The following TBL1XR1 variants were observed in gnomAD, a reference collection of about 807,000 sequenced individuals.
TBL1XR1 encodes F-box-like/WD repeat-containing protein TBL1XR1.
TBL1XR1 carries 5 observed loss-of-function variants against 66.9 expected under a neutral mutation model. The ratio of observed to expected loss-of-function variants is 0.07; its 90% CI spans 0.04 to 0.16. TBL1XR1 has a LOEUF of 0.16. Ranked by LOEUF, TBL1XR1 falls within the 10% of genes least tolerant of loss-of-function variation. The pLI, the probability that TBL1XR1 is intolerant of heterozygous loss-of-function variation, is 1.00. For synonymous variants in TBL1XR1, 210 were observed against 206.0 expected (o/e 1.02, Z -0.17); for missense variants, 238 against 623.2 (o/e 0.38, Z 6.58).
intron 2 of TBL1XR1, among the ~76,000 whole-genome samples, chr3:177,082,378 CCA>C (rs1721505315): frequency 6.6e-6 from 1 of 151,620 alleles, no homozygotes; most frequent in African/African-American, 2.4e-5. Flanking sequence ...AAAAAAAATA[CCA>C]GAGAGAAAAA....
At chr3:177,173,002 G>GT (rs1733743006) in intron 1 of TBL1XR1, among the ~76,000 whole-genome samples, 1 of 151,966 alleles carries the variant, frequency 6.6e-6, no homozygotes, top group Non-Finnish European at 1.5e-5. Flanking sequence ...GAGAAACCTC[G>GT]TATCTACTAA....
chr3:177,105,791 GGT>G (rs372720965), intron 1 of TBL1XR1, among the ~76,000 whole-genome samples: 3 of 151,892 alleles, frequency 2.0e-5, no homozygotes, highest in Non-Finnish European at 2.9e-5. Context: ...TCAGTGTGTG[GGT>G]GTGTGTGTGC....
At position 177,022,350 on chromosome 3, in the gene TBL1XR1, T is replaced by C. The variant is rs192516198; in HGVS notation, c.*3148A>G. 1.9e-3 allele frequency: 286 copies of C among 152,636 alleles called. 1 individual carries two copies. The highest frequency in any genetic ancestry group is 3.0e-3 in the Non-Finnish European group (205 of 67,958). The allele number at this position is 152,636 out of a possible 1,614,324, so 9.5% of individuals were successfully genotyped here. ...AGAGAATAATTAAAACAGAATTCAA[T>C]ACAATCTAGTATCTATTAGGAAATT... On this transcript the variant is annotated 3_prime_UTR_variant, in exon 16 of 16. Transcript: ENST00000457928.
chr3:177,069,764 G>GA (rs1309235443), intron 2 of TBL1XR1, among the ~76,000 whole-genome samples: 1 of 113,680 alleles, frequency 8.8e-6, no homozygotes, highest in African/African-American at 3.8e-5. Flanking sequence ...GGAAAGGAAA[G>GA]AAAGGAAGGA....
chr3:177,134,909 T>C (rs569692327), intron 1 of TBL1XR1, among the ~76,000 whole-genome samples: 184 of 151,142 alleles, frequency 1.2e-3, no homozygotes, highest in African/African-American at 4.3e-3. Context: ...AGCCTTCCAA[T>C]TATTAAATAT....
rs549719462 is a variant in TBL1XR1 at position 177,051,372 on chromosome 3, T to C, written c.427+132A>G. The C allele has an allele frequency of 3.9e-5, 29 of 738,220 alleles. No homozygotes were observed. In the East Asian group the frequency reaches 6.8e-4, roughly 17 times the overall value. 45.7% of individuals were successfully genotyped at this position (738,220 alleles called of 1,614,324 possible). On this transcript the variant is annotated intron_variant, in intron 5 of 15. Transcript: ENST00000457928. ...TAGGCTTAGTACCTGGGTGATGAAA[T>C]AGTCTGTACAACAAACCCCTGTGAT...
chr3:177,027,490 C>G (rs1226260010), intron 14 of TBL1XR1: 1 of 152,176 alleles, frequency 6.6e-6, no homozygotes, highest in Non-Finnish European at 1.5e-5. Context: ...TATAACAGGA[C>G]AAAGATCAGA....
rs192924698 is a variant in TBL1XR1, at chr3:177,151,207, A to T, written c.-122+45914T>A. 1.3e-4 allele frequency among the ~76,000 whole-genome samples: 20 copies of T among 152,296 alleles called. No homozygotes were observed. In the East Asian group the frequency reaches 3.5e-3, roughly 26 times the overall value. Reference sequence around the variant, plus strand: ...CCAAATCTGTGACTGAGAGCCACACATTTTTCACATTGAACCACCTCTCCT... The same window carrying T: ...CCAAATCTGTGACTGAGAGCCACACTTTTTTCACATTGAACCACCTCTCCT... On this transcript the variant is annotated intron_variant, in intron 1 of 15. Coordinates refer to ENST00000457928, the MANE Select transcript of TBL1XR1 (RefSeq NM_024665.7).
chr3:177,131,265 A>C (rs1304266202), intron 1 of TBL1XR1: 13 of 897,330 alleles, frequency 1.4e-5, no homozygotes, highest in Admixed American at 1.2e-4. Context: ...AACACACACA[A>C]AAAAAGTCAA....
At chr3:177,193,904 T>A (rs1736487061) in intron 1 of TBL1XR1, among the ~76,000 whole-genome samples, 1 of 152,164 alleles carries the variant, frequency 6.6e-6, no homozygotes, top group African/African-American at 2.4e-5. Flanking sequence ...GCATCTCTGT[T>A]TCATCATCCA....
At position 177,038,155 on chromosome 3, in the gene TBL1XR1, G is replaced by A. The variant is rs1303967781; in HGVS notation, c.1065C>T (p.Ile355=). The A allele has an allele frequency of 6.2e-7, 1 of 1,613,498 alleles. No homozygotes were observed. The highest frequency in any genetic ancestry group is 1.1e-5 in the South Asian group (1 of 91,052). The change falls in exon 12 of 16, where the codon ATC becomes ATT. Residue 355 remains isoleucine, a synonymous_variant. Coordinates refer to ENST00000457928, the MANE Select transcript of TBL1XR1 (RefSeq NM_024665.7). ...FQGHTNEVNA[I]KWDPTGNLLA... ...AGAGATTGCCAGTTGGGTCCCATTT[G>A]ATAGCATTTACTTCATTCTAAAAAT...
intron 1 of TBL1XR1, among the ~76,000 whole-genome samples, chr3:177,112,497 C>T (rs1336370897): frequency 6.6e-6 from 1 of 152,022 alleles, no homozygotes; most frequent in Non-Finnish European, 1.5e-5. Context: ...TTGTTTTATG[C>T]ATACAGATTG....
At chr3:177,093,796 A>C (rs1235547521) in intron 2 of TBL1XR1, among the ~76,000 whole-genome samples, 1 of 152,182 alleles carries the variant, frequency 6.6e-6, no homozygotes, top group Non-Finnish European at 1.5e-5. Flanking sequence ...CTGTATCCTC[A>C]TCTCTCACCT....
At chr3:177,160,986 ACT>A (rs1470300788) in intron 1 of TBL1XR1, 2 of 149,876 alleles carry the variant, frequency 1.3e-5, no homozygotes, top group African/African-American at 4.9e-5. Flanking sequence ...ACAGAGTGAA[ACT>A]CTGTCTCAAA....
chr3:177,118,005 A>G (rs1726517492), intron 1 of TBL1XR1, among the ~76,000 whole-genome samples: 1 of 152,216 alleles, frequency 6.6e-6, no homozygotes, highest in African/African-American at 2.4e-5. Flanking sequence ...CCAGGAATCT[A>G]GGGCCAATGG....
At chr3:177,126,410 A>T (rs574514043) in intron 1 of TBL1XR1, among the ~76,000 whole-genome samples, 6 of 152,238 alleles carry the variant, frequency 3.9e-5, no homozygotes, top group Non-Finnish European at 7.3e-5. Flanking sequence ...AACATCGGTT[A>T]TGTAATAAAA....
intron 1 of TBL1XR1, among the ~76,000 whole-genome samples, chr3:177,189,682 A>C (rs1735889992): frequency 6.8e-6 from 1 of 147,636 alleles, no homozygotes; most frequent in Non-Finnish European, 1.5e-5. Context: ...TGTAACACCA[A>C]ATTAGTTGCC....
intron 1 of TBL1XR1, among the ~76,000 whole-genome samples, chr3:177,183,020 G>T (rs929546658): frequency 6.6e-6 from 1 of 151,900 alleles, no homozygotes; most frequent in Non-Finnish European, 1.5e-5. Flanking sequence ...CTTATCATTT[G>T]TATCTTACTT....
chr3:177,144,315 C>T (rs1480880272), intron 1 of TBL1XR1, among the ~76,000 whole-genome samples: 1 of 152,094 alleles, frequency 6.6e-6, no homozygotes, highest in Non-Finnish European at 1.5e-5. Flanking sequence ...AAGAAAGAGG[C>T]AGTTACTAAG....
Sources: gnomAD v4.1 joint callset for allele counts (sites outside exome capture counted in the v4.1 genomes callset) on GRCh38, gnomAD v4.1.1 for gene constraint, MANE v1.5 for transcripts, NCBI Gene and HGNC (gene_info 2026-07-23, HGNC 2026-07-21) for gene names.